The following TBC1D22A variants were observed in gnomAD, a reference collection of about 807,000 sequenced individuals.
TBC1D22A encodes TBC1 domain family member 22A, also known as putative GTPase activator.
Under a neutral mutation model 60.2 loss-of-function variants are expected in TBC1D22A, and 38 were observed. The ratio of observed to expected loss-of-function variants is 0.63; its 90% CI spans 0.49 to 0.83. TBC1D22A has a LOEUF of 0.83. TBC1D22A is among the 40% of genes least tolerant of loss of function. TBC1D22A has a pLI of 0.00. For synonymous variants in TBC1D22A, 302 were observed against 281.7 expected (o/e 1.07, Z -0.72); for missense variants, 628 against 701.0 (o/e 0.90, Z 1.18).
intron 12 of TBC1D22A, among the ~76,000 whole-genome samples, chr22:47,127,899 C>G (rs999297561): frequency 6.7e-6 from 1 of 149,534 alleles, no homozygotes; most frequent in Admixed American, 6.6e-5. Context: ...CCTTGAGGAG[C>G]CCCCTGAGGT....
At chr22:46,969,873 A>G (rs915851952) in intron 8 of TBC1D22A, among the ~76,000 whole-genome samples, 2 of 152,240 alleles carry the variant, frequency 1.3e-5, no homozygotes, top group Admixed American at 6.5e-5. Context: ...GTTAATGTTT[A>G]TAATTAAATG....
intron 4 of TBC1D22A, among the ~76,000 whole-genome samples, chr22:46,819,370 C>A (rs552345647): frequency 1.3e-5 from 2 of 152,180 alleles, no homozygotes; most frequent in East Asian, 3.9e-4. Flanking sequence ...GCTGTGGGTT[C>A]ATCATAAATA....
rs574051794 is a variant in TBC1D22A, at chr22:47,067,321, A to T, written c.1329+30123A>T. Among the ~76,000 whole-genome samples, 9 of 152,364 alleles carry T rather than the reference A, an allele frequency of 5.9e-5. No individual in the cohort carries two copies. In the East Asian group the frequency reaches 1.7e-3, roughly 29 times the overall value. On this transcript the variant is annotated intron_variant, in intron 11 of 12. Coordinates refer to ENST00000337137, the MANE Select transcript of TBC1D22A (RefSeq NM_014346.5). ...TCTTCTTCCAGGCCTTTAGAGGCAG[A>T]AGAGAACCATTGTAAATTCCAGCAC...
chr22:46,913,407 A>G (rs775523702), intron 8 of TBC1D22A: 10 of 1,366,426 alleles, frequency 7.3e-6, no homozygotes, highest in Non-Finnish European at 9.8e-6. Context: ...ACCCGAGGAC[A>G]GATGAACAGA....
intron 11 of TBC1D22A, among the ~76,000 whole-genome samples, chr22:47,110,507 T>C (rs1242547605): frequency 6.6e-6 from 1 of 152,144 alleles, no homozygotes; most frequent in African/African-American, 2.4e-5. Context: ...AATAAACGCC[T>C]TTTTTCTCTT....
chr22:46,976,774 C>T (rs528683759), intron 9 of TBC1D22A, among the ~76,000 whole-genome samples: 44 of 152,300 alleles, frequency 2.9e-4, no homozygotes, highest in African/African-American at 1.1e-3. Flanking sequence ...GCCCGGCCTC[C>T]ACCAGTTGTT....
chr22:47,012,893 A>G, intron 10 of TBC1D22A, among the ~76,000 whole-genome samples: 1 of 152,210 alleles, frequency 6.6e-6, no homozygotes, highest in Non-Finnish European at 1.5e-5. Context: ...TACTTAGCAC[A>G]GAATCATAAA....
chr22:47,020,373 C>G (rs1231151873), intron 10 of TBC1D22A, among the ~76,000 whole-genome samples: 1 of 152,174 alleles, frequency 6.6e-6, no homozygotes, highest in African/African-American at 2.4e-5. Flanking sequence ...CGGGGAAGCT[C>G]TGCGTCTTCA....
chr22:46,955,303 G>T (rs768287078), intron 8 of TBC1D22A, among the ~76,000 whole-genome samples: 1 of 152,212 alleles, frequency 6.6e-6, no homozygotes, highest in African/African-American at 2.4e-5. Context: ...CGCTAACGAT[G>T]AATAAGAAAG....
At chr22:47,038,581 C>G (rs539346177) in intron 11 of TBC1D22A, among the ~76,000 whole-genome samples, 8 of 152,232 alleles carry the variant, frequency 5.3e-5, no homozygotes, top group Non-Finnish European at 1.2e-4. Flanking sequence ...GTCTCTCATT[C>G]TGAGCCTGTT....
intron 11 of TBC1D22A, among the ~76,000 whole-genome samples, chr22:47,057,951 T>C (rs950924698): frequency 2.0e-4 from 31 of 152,308 alleles, no homozygotes; most frequent in African/African-American, 7.5e-4. Context: ...GATCCTGGGC[T>C]TGTGGTCAGG....
At chr22:47,052,781 A>G (rs1409527440) in intron 11 of TBC1D22A, among the ~76,000 whole-genome samples, 1 of 152,136 alleles carries the variant, frequency 6.6e-6, no homozygotes, top group Admixed American at 6.5e-5. Flanking sequence ...ACCCCCGGGC[A>G]TCTTCCTGTC....
intron 10 of TBC1D22A, among the ~76,000 whole-genome samples, chr22:47,012,799 G>T (rs1250085112): frequency 6.6e-6 from 1 of 152,200 alleles, no homozygotes; most frequent in Non-Finnish European, 1.5e-5. Flanking sequence ...TGTGTAGTTG[G>T]CTCATGACCG....
At chr22:47,096,812 ACT>A (rs1249447988) in intron 11 of TBC1D22A, among the ~76,000 whole-genome samples, 1 of 152,100 alleles carries the variant, frequency 6.6e-6, no homozygotes, top group Non-Finnish European at 1.5e-5. Context: ...GCAGAGCGAG[ACT>A]CTGTCTCAAA....
At chr22:46,858,470 A>G (rs1478377056) in intron 4 of TBC1D22A, among the ~76,000 whole-genome samples, 1 of 142,548 alleles carries the variant, frequency 7.0e-6, no homozygotes. Context: ...CACCCCCCCC[A>G]GCTCTGATCC....
chr22:46,878,988 A>G lies in TBC1D22A; in HGVS notation c.708+265A>G, dbSNP rs566538200. Reference sequence around the variant, plus strand: ...TCAGATTTTATTAGAAAATCTTTCTATGTTCCAGCCTGTGATATAGAAAGG... The same window carrying G: ...TCAGATTTTATTAGAAAATCTTTCTGTGTTCCAGCCTGTGATATAGAAAGG... On this transcript the variant is annotated intron_variant, in intron 5 of 12. Transcript: ENST00000337137. Among the ~76,000 whole-genome samples, 23 of 152,210 alleles carry G rather than the reference A, an allele frequency of 1.5e-4. No individual in the cohort carries two copies. In the South Asian group the frequency reaches 2.1e-3, roughly 14 times the overall value.
chr22:46,874,069 C>T (rs1163411694), intron 4 of TBC1D22A, among the ~76,000 whole-genome samples: 2 of 152,188 alleles, frequency 1.3e-5, no homozygotes, highest in Non-Finnish European at 2.9e-5. Context: ...CTCGGCCTCC[C>T]AAAGTGCTGG....
chr22:46,941,415 CGG>C (rs2072063806), intron 8 of TBC1D22A, among the ~76,000 whole-genome samples: 1 of 81,620 alleles, frequency 1.2e-5, no homozygotes, highest in African/African-American at 5.7e-5. Flanking sequence ...AATATATATA[CGG>C]AATATACACG....
chr22:47,140,234 C>T (rs982968006), intron 12 of TBC1D22A, among the ~76,000 whole-genome samples: 2 of 150,532 alleles, frequency 1.3e-5, no homozygotes, highest in African/African-American at 4.9e-5. Flanking sequence ...CTCGGTGGCC[C>T]AGGCTGCTCC....
Sources: gnomAD v4.1 joint callset for allele counts (sites outside exome capture counted in the v4.1 genomes callset) on GRCh38, gnomAD v4.1.1 for gene constraint, MANE v1.5 for transcripts, NCBI Gene and HGNC (gene_info 2026-07-23, HGNC 2026-07-21) for gene names.